Variants in TNR observed in about 807,000 individuals in gnomAD.
TNR encodes the protein tenascin-R.
Under a neutral mutation model 150.4 loss-of-function variants are expected in TNR, and 45 were observed. The observed-to-expected ratio is 0.30, with a 90% CI of 0.24 to 0.38. The LOEUF is 0.38. Ranked by LOEUF, TNR falls within the 10% of genes least tolerant of loss-of-function variation. The probability of loss-of-function intolerance (pLI) is 1.00; values close to 1 mark genes in which losing one functional copy is unlikely to be tolerated. For missense variants in TNR, 1,544 were observed against 1,759.1 expected (o/e 0.88, Z 2.19); for synonymous variants, 687 against 678.4 (o/e 1.01, Z -0.20).
chr1:175,433,863 C>A (rs116689980), intron 2 of TNR, among the ~76,000 whole-genome samples: 1 of 152,198 alleles, frequency 6.6e-6, no homozygotes, highest in Admixed American at 6.5e-5. Flanking sequence ...CATTGCGTCA[C>A]GGAGACCACA....
chr1:175,510,086 G>C (rs1362660738), intron 2 of TNR, among the ~76,000 whole-genome samples: 1 of 151,992 alleles, frequency 6.6e-6, no homozygotes, highest in Non-Finnish European at 1.5e-5. Flanking sequence ...AAAATTAGCT[G>C]TATGTGGTGG....
At chr1:175,521,955 G>A (rs1271629723) in intron 2 of TNR, among the ~76,000 whole-genome samples, 1 of 152,192 alleles carries the variant, frequency 6.6e-6, no homozygotes, top group Non-Finnish European at 1.5e-5. Flanking sequence ...CCCCTGGAGT[G>A]CAGCAAGCAT....
intron 9 of TNR, among the ~76,000 whole-genome samples, chr1:175,371,916 T>C (rs943978172): frequency 6.6e-6 from 1 of 152,140 alleles, no homozygotes; most frequent in Admixed American, 6.5e-5. Context: ...CTGTTATAGT[T>C]TGGATGCTTG....
intron 1 of TNR, among the ~76,000 whole-genome samples, chr1:175,725,151 G>GA (rs1385260881): frequency 6.6e-6 from 1 of 152,096 alleles, no homozygotes; most frequent in South Asian, 2.1e-4. Flanking sequence ...GAACAGATTG[G>GA]AAAAAAGCAA....
At chr1:175,672,756 G>A (rs1000682381) in intron 1 of TNR, among the ~76,000 whole-genome samples, 7 of 152,212 alleles carry the variant, frequency 4.6e-5, no homozygotes, top group African/African-American at 1.4e-4. Flanking sequence ...TGAGGAGGAG[G>A]AAGCAGGTGC....
rs905393570 is a variant in TNR, at chr1:175,322,055, A to G, written c.*1302T>C. 6.6e-6 allele frequency: 1 copy of G among 152,278 alleles called. No individual in the cohort carries two copies. Among genetic ancestry groups the G allele is most frequent in the African/African-American group, 2.4e-5 (1 of 41,464 alleles). The allele number at this position is 152,278 out of a possible 1,614,324, so 9.4% of individuals were successfully genotyped here. On this transcript the variant is annotated 3_prime_UTR_variant, in exon 23 of 23. Transcript: ENST00000367674. ...AAAAGAATCTGTGACAAATAGGACC[A>G]GAAATGGAGAAAACAGGGCTAGGGA...
At chr1:175,507,271 A>G (rs949073407) in intron 2 of TNR, among the ~76,000 whole-genome samples, 1 of 152,244 alleles carries the variant, frequency 6.6e-6, no homozygotes, top group Non-Finnish European at 1.5e-5. Context: ...ACGAGATTTC[A>G]TGGGTTGCCT....
intron 1 of TNR, among the ~76,000 whole-genome samples, chr1:175,654,755 C>T (rs1307937409): frequency 7.7e-6 from 1 of 129,376 alleles, no homozygotes; most frequent in Non-Finnish European, 1.6e-5. Flanking sequence ...GAGACGGAGT[C>T]TCGCTCTGCC....
intron 8 of TNR, among the ~76,000 whole-genome samples, chr1:175,381,856 T>C (rs1010565743): frequency 1.8e-4 from 28 of 152,270 alleles, no homozygotes; most frequent in Admixed American, 1.8e-3. Flanking sequence ...GCTTCTCAGA[T>C]ATCTCCATGT....
At chr1:175,372,380 G>A (rs976537988) in intron 9 of TNR, among the ~76,000 whole-genome samples, 2 of 152,104 alleles carry the variant, frequency 1.3e-5, no homozygotes, top group African/African-American at 4.8e-5. Context: ...TCAGCAGGGA[G>A]AAGATCAGCA....
rs1207056766 is a variant in TNR, at chr1:175,320,748, ATCTC to A, written c.*2605_*2608del. Reference sequence around the variant, plus strand: ...TGTTTTACTTATGACTCCTGAATCAATCTCTCTCTTTTCTTTCCCTCCCTCCCTC... The same window carrying A: ...TGTTTTACTTATGACTCCTGAATCAATCTCTTTTCTTTCCCTCCCTCCCTC... On this transcript the variant is annotated 3_prime_UTR_variant, in exon 23 of 23. Transcript: ENST00000367674. 7.0e-6 allele frequency: 1 copy of A among 143,274 alleles called. No individual in the cohort carries two copies. The highest frequency in any genetic ancestry group is 1.5e-5 in the Non-Finnish European group (1 of 66,624). The allele number at this position is 143,274 out of a possible 1,614,324, so 8.9% of individuals were successfully genotyped here. A position where few individuals can be genotyped will look rare whatever the true frequency, so the allele number is the denominator to read the frequency against.
Position 175,403,463 on chromosome 1 carries a change from T to C in TNR, c.653A>G (p.Gln218Arg), listed in dbSNP as rs1653812599. The C allele has an allele frequency of 6.2e-7, 1 of 1,614,198 alleles. No individual in the cohort carries two copies. Among genetic ancestry groups the C allele is most frequent in the African/African-American group, 1.3e-5 (1 of 75,046 alleles). ...GCTGTACTCGCTGTCACAGATGCACTGGCCATCCACACACACCCCCCGGCT... is the reference window on the plus strand; with the variant it reads ...GCTGTACTCGCTGTCACAGATGCACCGGCCATCCACACACACCCCCCGGCT... ...CSSRGVCVDG[Q>R]CICDSEYSGD... Residue 218 changes from glutamine to arginine, a missense_variant, in exon 4 of 23, where the codon CAG becomes CGG. This residue lies in a region of TNR where 1,254 missense variants were observed against 1,329.4 expected (regional missense o/e 0.94). Coordinates refer to ENST00000367674, the MANE Select transcript of TNR (RefSeq NM_003285.3).
intron 2 of TNR, among the ~76,000 whole-genome samples, chr1:175,438,035 A>G (rs1267348732): frequency 6.6e-6 from 1 of 152,252 alleles, no homozygotes; most frequent in Non-Finnish European, 1.5e-5. Flanking sequence ...TTATGAGGCC[A>G]GCATAATCCA....
At chr1:175,463,956 G>A (rs1268847890) in intron 2 of TNR, among the ~76,000 whole-genome samples, 10 of 152,200 alleles carry the variant, frequency 6.6e-5, no homozygotes, top group Admixed American at 6.5e-5. Context: ...AAGGAGTGAT[G>A]TTCTTTTCTT....
rs574051654 is a variant in TNR at position 175,642,722 on chromosome 1, A to T, written c.-165+100504T>A. On this transcript the variant is annotated intron_variant, in intron 1 of 22. Transcript: ENST00000367674. ...CAAGATAGGAGGATCACTTGAGGCC[A>T]GGGGTTTGAGACCAGTCTGAGCAAC... Among the ~76,000 whole-genome samples, 3 of 152,282 alleles carry T rather than the reference A, an allele frequency of 2.0e-5. No individual in the cohort carries two copies. In the South Asian group the frequency reaches 6.2e-4, roughly 32 times the overall value.
chr1:175,666,823 C>T (rs542707068), intron 1 of TNR, among the ~76,000 whole-genome samples: 158 of 152,314 alleles, frequency 1.0e-3, no homozygotes, highest in African/African-American at 3.3e-3. Flanking sequence ...TCAGAGCTCA[C>T]TATAGCCTCA....
intron 1 of TNR, among the ~76,000 whole-genome samples, chr1:175,650,835 C>CT (rs1372064446): frequency 4.4e-5 from 2 of 45,868 alleles, no homozygotes; most frequent in African/African-American, 1.1e-4. Flanking sequence ...TACTACCCCT[C>CT]CCCCACCTCA....
intron 1 of TNR, among the ~76,000 whole-genome samples, chr1:175,641,897 C>T (rs1468223547): frequency 6.6e-6 from 1 of 152,040 alleles, no homozygotes; most frequent in Non-Finnish European, 1.5e-5. Context: ...AATTTTCATG[C>T]CAATGTACTT....
At chr1:175,685,926 A>G (rs1666182873) in intron 1 of TNR, among the ~76,000 whole-genome samples, 1 of 152,040 alleles carries the variant, frequency 6.6e-6, no homozygotes, top group African/African-American at 2.4e-5. Context: ...ACCTGAAGAA[A>G]TGAGAGAAGT....
Sources: allele counts gnomAD v4.1 joint callset (sites outside exome capture counted in the v4.1 genomes callset), GRCh38; gene constraint gnomAD v4.1.1; regional missense constraint gnomAD v4.1.1; transcripts MANE v1.5; gene names NCBI Gene and HGNC (gene_info 2026-07-23, HGNC 2026-07-21).